The following PIGF variants were observed in gnomAD, a reference collection of about 807,000 sequenced individuals.
The protein encoded by PIGF is GPI ethanolamine phosphate transferase, stabilizing subunit.
In PIGF, 23 loss-of-function variants were observed where a neutral mutation model predicts 26.0. The ratio of observed to expected loss-of-function variants is 0.88; its 90% confidence interval spans 0.64 to 1.25. The LOEUF (loss-of-function observed/expected upper bound fraction) is 1.25, where lower values mean the gene tolerates loss of function less well. Among genes scored for constraint, PIGF ranks in the 50% most tolerant of loss-of-function variants. The pLI, the probability that PIGF is intolerant of heterozygous loss-of-function variation, is 0.00. For missense variants in PIGF, 278 were observed against 249.9 expected (o/e 1.11, Z -0.76); for synonymous variants, 93 against 92.6 (o/e 1.00, Z -0.03).
intron 4 of PIGF, among the ~76,000 whole-genome samples, chr2:46,593,545 A>G (rs1289241390): frequency 6.6e-6 from 1 of 152,256 alleles, no homozygotes. Flanking sequence ...GATTCTGCCT[A>G]CCGTTCCTAT....
chr2:46,599,287 C>T (rs1669985034), intron 4 of PIGF, among the ~76,000 whole-genome samples: 1 of 152,178 alleles, frequency 6.6e-6, no homozygotes, highest in Admixed American at 6.5e-5. Context: ...TTCTACAACT[C>T]CAATTCATTC....
chr2:46,607,246 C>T (rs1670252824), intron 4 of PIGF, among the ~76,000 whole-genome samples: 1 of 152,180 alleles, frequency 6.6e-6, no homozygotes, highest in Non-Finnish European at 1.5e-5. Flanking sequence ...CTCAGATTTC[C>T]AACAACCATC....
intron 4 of PIGF, among the ~76,000 whole-genome samples, chr2:46,607,374 T>C (rs1294165545): frequency 1.3e-5 from 2 of 152,210 alleles, no homozygotes; most frequent in African/African-American, 4.8e-5. Context: ...AATATTTGGG[T>C]GCAGGCATAC....
chr2:46,611,633 G>C (rs545617624), intron 4 of PIGF, among the ~76,000 whole-genome samples: 1 of 151,950 alleles, frequency 6.6e-6, no homozygotes, highest in Non-Finnish European at 1.5e-5. Context: ...GGCTTTCTTA[G>C]CTAGATCTCC....
intron 5 of PIGF, chr2:46,582,519 G>A (rs1669431430): frequency 6.6e-6 from 1 of 152,268 alleles, no homozygotes; most frequent in South Asian, 2.1e-4. Context: ...AGATAATGGT[G>A]TTAGACAAAG....
intron 4 of PIGF, among the ~76,000 whole-genome samples, chr2:46,602,999 A>G (rs1166079151): frequency 6.6e-6 from 1 of 152,064 alleles, no homozygotes; most frequent in Non-Finnish European, 1.5e-5. Context: ...GAACTGATAA[A>G]CAAATTGAAT....
intron 4 of PIGF, among the ~76,000 whole-genome samples, chr2:46,601,559 C>T (rs1670055023): frequency 6.6e-6 from 1 of 152,076 alleles, no homozygotes; most frequent in Non-Finnish European, 1.5e-5. Context: ...TACAACTCCT[C>T]CTAGTGGCTA....
In PIGF at chr2:46,588,388, G is replaced by T; in HGVS notation, c.546+4087C>A. The T allele has an allele frequency of 3.6e-6, 2 of 555,380 alleles. No individual in the cohort carries two copies. The highest frequency in any genetic ancestry group is 5.0e-5 in the South Asian group (2 of 39,738). 34.4% of individuals were successfully genotyped at this position (555,380 alleles called of 1,614,324 possible). ...AATCATGGAATTTGCATTTTTTGAA[G>T]GCTAAAAATATAGTCATTAAACTAT... is the stretch of plus-strand genomic sequence containing the variant. On this transcript the variant is annotated intron_variant, in intron 5 of 5. Coordinates refer to ENST00000281382, the MANE Select transcript of PIGF (RefSeq NM_002643.4). The surrounding 1 kb of genome is among the most constrained non-coding windows in gnomAD (Gnocchi z 4.1).
Position 46,588,375 on chromosome 2 carries a change from T to G in PIGF, c.546+4100A>C. 1.5e-6 allele frequency: 1 copy of G among 687,162 alleles called. No homozygotes were observed. Among genetic ancestry groups the G allele is most frequent in the Non-Finnish European group, 2.2e-6 (1 of 450,010 alleles). The allele number at this position is 687,162 out of a possible 1,614,324, so 42.6% of individuals were successfully genotyped here. A position where few individuals can be genotyped will look rare whatever the true frequency, so the allele number is the denominator to read the frequency against. ...GAGAACTCAAATAAATCATGGAATT[T>G]GCATTTTTTGAAGGCTAAAAATATA... is the stretch of plus-strand genomic sequence containing the variant. On this transcript the variant is annotated intron_variant, in intron 5 of 5. Transcript: ENST00000281382. This position sits in a 1 kb window ranked among gnomAD's most constrained non-coding sequence, Gnocchi z 4.1.
Position 46,581,285 on chromosome 2 carries a change from T to C in PIGF, c.*193A>G. 1 of 980,568 alleles carries C rather than the reference T, an allele frequency of 1.0e-6. No individual in the cohort carries two copies. Among genetic ancestry groups the C allele is most frequent in the Admixed American group, 3.0e-5 (1 of 33,374 alleles). The allele number at this position is 980,568 out of a possible 1,614,324, so 60.7% of individuals were successfully genotyped here. On this transcript the variant is annotated 3_prime_UTR_variant, in exon 6 of 6. Transcript: ENST00000281382. ...CAGTAAGCAGCATCTGAAGCCACAA[T>C]CTATTATAAATACTTTATTTCAACT...
At chr2:46,587,463 T>G (rs1490383740) in intron 5 of PIGF, among the ~76,000 whole-genome samples, 2 of 152,056 alleles carry the variant, frequency 1.3e-5, no homozygotes, top group African/African-American at 2.4e-5. Flanking sequence ...CAAAAAATTT[T>G]TAAATACAAC....
At chr2:46,614,443 AAGTG>A (rs2104148939) in intron 2 of PIGF, 1 of 155,322 alleles carries the variant, frequency 6.4e-6, no homozygotes, top group East Asian at 1.9e-4. Context: ...AGTAATAGCC[AAGTG>A]AATATCTACT....
rs149763351 is a variant in PIGF, at chr2:46,584,128, T to C, written c.547-2537A>G. On this transcript the variant is annotated intron_variant, in intron 5 of 5. Transcript: ENST00000281382. ...TAACTATTTAAAATACCAAATTAAA[T>C]ACCAGTTTGTTGGTTGTTACTTTTA... Among the ~76,000 whole-genome samples the C allele has an allele frequency of 2.0e-3, 298 of 152,320 alleles. 2 individuals are homozygous for C. Among genetic ancestry groups the C allele is most frequent in the African/African-American group, 6.9e-3 (285 of 41,582 alleles).
At chr2:46,606,478 G>A (rs946885494) in intron 4 of PIGF, among the ~76,000 whole-genome samples, 18 of 152,124 alleles carry the variant, frequency 1.2e-4, no homozygotes, top group African/African-American at 4.3e-4. Flanking sequence ...ACTTCACAGT[G>A]TGGGTTAAAT....
intron 4 of PIGF, among the ~76,000 whole-genome samples, chr2:46,599,608 C>G (rs901263886): frequency 6.6e-6 from 1 of 152,158 alleles, no homozygotes; most frequent in Non-Finnish European, 1.5e-5. Context: ...GTAATAGTGA[C>G]CTTTGCATTC....
intron 4 of PIGF, among the ~76,000 whole-genome samples, chr2:46,608,164 T>A (rs958500791): frequency 6.6e-6 from 1 of 152,254 alleles, no homozygotes; most frequent in Admixed American, 6.5e-5. Flanking sequence ...GCCATTGCTT[T>A]GCTTTATTAA....
rs538926818 is a variant in PIGF at position 46,584,071 on chromosome 2, A to C, written c.547-2480T>G. Among the ~76,000 whole-genome samples, 445 of 152,304 alleles carry C rather than the reference A, an allele frequency of 2.9e-3. 4 individuals are homozygous for C. The highest frequency in any genetic ancestry group is 4.8e-3 in the Non-Finnish European group (323 of 67,998). Reference sequence around the variant, plus strand: ...AATGGGTTTTGTTATGAATTATCTTAGTGACTTTAGACACTGTTTCCATTT... The same window carrying C: ...AATGGGTTTTGTTATGAATTATCTTCGTGACTTTAGACACTGTTTCCATTT... On this transcript the variant is annotated intron_variant, in intron 5 of 5. Transcript: ENST00000281382.
chr2:46,599,479 T>C (rs1669991056), intron 4 of PIGF, among the ~76,000 whole-genome samples: 1 of 152,198 alleles, frequency 6.6e-6, no homozygotes, highest in Non-Finnish European at 1.5e-5. Context: ...CTCTAAATGC[T>C]TTATTCTTCC....
At chr2:46,604,339 C>A (rs534062774) in intron 4 of PIGF, among the ~76,000 whole-genome samples, 1 of 151,986 alleles carries the variant, frequency 6.6e-6, no homozygotes, top group Non-Finnish European at 1.5e-5. Context: ...TATGATCCAG[C>A]AATCACATTG....
Sources: allele counts gnomAD v4.1 joint callset (sites outside exome capture counted in the v4.1 genomes callset), GRCh38; gene constraint gnomAD v4.1.1; non-coding constraint Gnocchi (gnomAD v3.1); transcripts MANE v1.5; gene names NCBI Gene and HGNC (gene_info 2026-07-23, HGNC 2026-07-21).